Variants in PSG1 observed in about 807,000 individuals in gnomAD.
PSG1 encodes the protein pregnancy-specific beta-1-glycoprotein 1.
PSG1 carries 60 observed loss-of-function variants against 41.4 expected under a neutral mutation model. The observed-to-expected ratio is 1.45, with a 90% CI of 1.18 to 1.80. PSG1 has a LOEUF of 1.80. Ranked by LOEUF, PSG1 falls within the 40% of genes most tolerant of loss-of-function variation. PSG1 has a pLI of 0.00. For synonymous variants in PSG1, 256 were observed against 192.9 expected, an observed-to-expected ratio of 1.33 and a Z score of -2.71; for missense variants, 806 against 516.9, an observed-to-expected ratio of 1.56 and a Z score of -5.42.
In PSG1 at chr19:42,878,406, A is replaced by AACACACACAC. The variant is rs5828151; in HGVS notation, c.65-138_65-129dup. ...CAACACAGACACACACACACATACAAACACACACACACACACACACACAAA... is the reference window on the plus strand; with the variant it reads ...CAACACAGACACACACACACATACAAACACACACACACACACACACACACACACACACAAA... On this transcript the variant is annotated intron_variant, in intron 1 of 5. Coordinates refer to ENST00000436291, the MANE Select transcript of PSG1 (RefSeq NM_001184825.2). 3.4e-5 allele frequency: 41 copies of AACACACACAC among 1,192,494 alleles called. No individual in the cohort carries two copies. In the East Asian group the frequency reaches 6.1e-4, roughly 18 times the overall value. 73.9% of individuals were successfully genotyped at this position (1,192,494 alleles called of 1,614,324 possible).
At chr19:42,877,871 C>A (rs1460880055) in intron 2 of PSG1, 42 bp downstream of exon 2, 4 of 1,611,768 alleles carry the variant, frequency 2.5e-6, no homozygotes, top group Admixed American at 1.7e-5. Flanking sequence ...GTAGAAGTGA[C>A]CCCTGTCCCC....
At chr19:42,877,091 C>T (rs947577677) in intron 2 of PSG1, among the ~76,000 whole-genome samples, 1 of 151,654 alleles carries the variant, frequency 6.6e-6, no homozygotes, top group African/African-American at 2.4e-5. Context: ...GTCACCTGAC[C>T]TAATGCTTGG....
intron 3 of PSG1, chr19:42,870,708 C>G (rs1179910118): frequency 6.6e-6 from 1 of 151,648 alleles, no homozygotes; most frequent in Non-Finnish European, 1.5e-5. Flanking sequence ...GTCTTTCTAA[C>G]AATATTGATT....
In PSG1 at chr19:42,868,271, G is replaced by A; in HGVS notation, c.1073C>T (p.Ser358Phe). The change falls in exon 5 of 6, where the codon TCT becomes TTT. Residue 358 changes from serine (S) to phenylalanine (F), a missense_variant. Coordinates refer to ENST00000436291, the MANE Select transcript of PSG1 (RefSeq NM_001184825.2). Reference protein sequence around the residue: ...EVLYLSCSADSNPPAQYSWTI... With the variant: ...EVLYLSCSADFNPPAQYSWTI... ...CCAAGAATACTGTGCCGGTGGGTTA[G>A]AGTCCGCAGAACAGGACAAGTAGAG... The A allele has an allele frequency of 1.2e-6, 2 of 1,612,336 alleles. No individual in the cohort carries two copies. Among genetic ancestry groups the A allele is most frequent in the South Asian group, 2.2e-5 (2 of 90,794 alleles).
At chr19:42,871,554 C>A (rs1362172131) in intron 3 of PSG1, among the ~76,000 whole-genome samples, 3 of 151,680 alleles carry the variant, frequency 2.0e-5, no homozygotes, top group Admixed American at 1.3e-4. Flanking sequence ...GCTGTGGACC[C>A]TGAGTCTCCC....
intron 2 of PSG1, among the ~76,000 whole-genome samples, chr19:42,876,031 C>G (rs1019490016): frequency 6.6e-6 from 1 of 151,274 alleles, no homozygotes; most frequent in Non-Finnish European, 1.5e-5. Context: ...GGAGTGGCAA[C>G]TCCAGATGAT....
Position 42,877,809 on chromosome 19 carries a change from C to T in PSG1, c.430+104G>A, listed in dbSNP as rs370902183. 325 of 1,594,512 alleles carry T rather than the reference C, an allele frequency of 2.0e-4. 7 individuals are homozygous for T. Among genetic ancestry groups the T allele is most frequent in the African/African-American group, 1.6e-3 (118 of 74,422 alleles). ...GCCCAAATCCCAGCATGGGACATAA[C>T]GCAGTGAGTGACACAGGCAGAGTCC... On this transcript the variant is annotated intron_variant, in intron 2 of 5. Transcript: ENST00000436291.
chr19:42,875,276 T>A (rs1600508460), intron 2 of PSG1, among the ~76,000 whole-genome samples: 1 of 151,882 alleles, frequency 6.6e-6, no homozygotes, highest in South Asian at 2.1e-4. Context: ...ACTAACACCC[T>A]TACTTTGTCC....
intron 5 of PSG1, 154 bp from the exon 6 acceptor site, chr19:42,867,304 A>G (rs937877735): frequency 4.3e-5 from 28 of 658,034 alleles, no homozygotes; most frequent in Non-Finnish European, 7.4e-5. Flanking sequence ...TGTTTGCAAA[A>G]TAGGTGGAGT....
chr19:42,874,210 A>T (rs1232513991), intron 2 of PSG1: 2 of 151,662 alleles, frequency 1.3e-5, no homozygotes, highest in Admixed American at 1.3e-4. Context: ...ATGTTGTTCC[A>T]CTTTTTTTCC....
chr19:42,871,143 C>A (rs908547628), intron 3 of PSG1, among the ~76,000 whole-genome samples: 5 of 151,570 alleles, frequency 3.3e-5, no homozygotes, highest in African/African-American at 1.2e-4. Context: ...GAGATTTGTT[C>A]CACCAGTGGC....
chr19:42,869,188 G>A, intron 3 of PSG1, 154 bp from the exon 4 acceptor site: 2 of 1,468,994 alleles, frequency 1.4e-6, no homozygotes, highest in Non-Finnish European at 1.8e-6. Context: ...GATGCATGAT[G>A]ATCTAAGGGC....
rs1474564540 is a variant in PSG1, at chr19:42,872,208, G to T, written c.431-163C>A. On this transcript the variant is annotated intron_variant, in intron 2 of 5. Transcript: ENST00000436291. The stretch of plus-strand genomic sequence containing the variant: ...AAGACAGATGCATGGCAATCTGAGG[G>T]CTCAGAGATTGTGAGGCTGCCTGCT... Among the ~76,000 whole-genome samples the T allele has an allele frequency of 2.6e-5, 4 of 151,620 alleles. 1 individual carries two copies. The highest frequency in any genetic ancestry group is 5.9e-5 in the Non-Finnish European group (4 of 67,902).
chr19:42,867,437 C>G (rs1261062983), intron 5 of PSG1: 3 of 575,790 alleles, frequency 5.2e-6, no homozygotes, highest in East Asian at 2.9e-5. Flanking sequence ...TAAATCTTCA[C>G]AAACCTCTTG....
chr19:42,868,232 T>A lies in PSG1; in HGVS notation c.1112A>T (p.Lys371Met). The change falls in exon 5 of 6, where the codon AAG becomes ATG. Residue 371 changes from lysine to methionine, a missense_variant. Lys to Met is a moderately conservative substitution (Grantham distance 95, BLOSUM62 -1). Coordinates refer to ENST00000436291, the MANE Select transcript of PSG1 (RefSeq NM_001184825.2). ...PAQYSWTINE[K>M]FQLPGQKLFI... ...GAGCTTTTGTCCTGGTAGCTGAAAC[T>A]TTTCATTAATTGTCCAAGAATACTG... 1 of 1,612,360 alleles carries A rather than the reference T, an allele frequency of 6.2e-7. No individual in the cohort carries two copies. The highest frequency in any genetic ancestry group is 8.5e-7 in the Non-Finnish European group (1 of 1,179,164).
rs910793296 is a variant in PSG1, at chr19:42,866,887, A to C, written c.*247T>G. Reference sequence around the variant, plus strand: ...TCATGATGGGGAGTCTTGTTCTGACATCTTGGGAAAAACTGTCCACAGTGT... The same window carrying C: ...TCATGATGGGGAGTCTTGTTCTGACCTCTTGGGAAAAACTGTCCACAGTGT... On this transcript the variant is annotated 3_prime_UTR_variant, in exon 6 of 6. Transcript: ENST00000436291. The C allele has an allele frequency of 1.1e-5, 7 of 656,626 alleles. No individual in the cohort carries two copies. Among genetic ancestry groups the C allele is most frequent in the South Asian group, 1.0e-4 (6 of 58,764 alleles). The allele number at this position is 656,626 out of a possible 1,614,324, so 40.7% of individuals were successfully genotyped here. A position where few individuals can be genotyped will look rare whatever the true frequency, so the allele number is the denominator to read the frequency against.
chr19:42,868,053 T>G (rs761480670), intron 5 of PSG1, 48 bp downstream of exon 5: 4 of 1,612,076 alleles, frequency 2.5e-6, no homozygotes, highest in South Asian at 2.2e-5. Flanking sequence ...GAATGCCAGA[T>G]AGACTCCACC....
intron 2 of PSG1, among the ~76,000 whole-genome samples, chr19:42,872,617 C>A (rs1600501631): frequency 6.6e-6 from 1 of 151,606 alleles, no homozygotes; most frequent in East Asian, 1.9e-4. Context: ...GGCAGTGGAG[C>A]CACGAGGTGG....
rs754404651 is a variant in PSG1, at chr19:42,877,954, C to T, written c.389G>A (p.Gly130Glu). 10 of 1,612,206 alleles carry T rather than the reference C, an allele frequency of 6.2e-6. No homozygotes were observed. Among genetic ancestry groups the T allele is most frequent in the African/African-American group, 1.3e-5 (1 of 74,624 alleles). ...GAAACGTCCAGTTACTCCTCTAGTC[C>T]CATCATCTCCCTTTATGATGTGTAA... ...YTLHIIKGDD[G>E]TRGVTGRFTF... Residue 130 changes from glycine (G) to glutamate (E), a missense_variant, in exon 2 of 6, where the codon GGG becomes GAG. Transcript: ENST00000436291.
Sources: gnomAD v4.1 joint callset for allele counts (sites outside exome capture counted in the v4.1 genomes callset) on GRCh38, gnomAD v4.1.1 for gene constraint, MANE v1.5 for transcripts, NCBI Gene and HGNC (gene_info 2026-07-23, HGNC 2026-07-21) for gene names.